CAMTA1: variants seen among roughly 807,000 people sequenced by gnomAD.
CAMTA1 encodes calmodulin-binding transcription activator 1.
CAMTA1 carries 27 observed loss-of-function variants against 170.9 expected under a neutral mutation model. The ratio of observed to expected loss-of-function variants is 0.16; its 90% CI spans 0.12 to 0.22. The LOEUF (loss-of-function observed/expected upper bound fraction) is 0.22. CAMTA1 is among the 10% of genes least tolerant of loss of function. CAMTA1 has a pLI of 1.00. For synonymous variants in CAMTA1, 833 were observed against 891.5 expected, an observed-to-expected ratio of 0.93 and a Z score of 1.17; for missense variants, 1,619 against 2,217.2, an observed-to-expected ratio of 0.73 and a Z score of 5.42.
At chr1:7,068,353 C>G (rs764651106) in intron 3 of CAMTA1, among the ~76,000 whole-genome samples, 4 of 151,888 alleles carry the variant, frequency 2.6e-5, no homozygotes, top group Non-Finnish European at 5.9e-5. Context: ...AGCTTAATAT[C>G]TTGTATGTCG....
chr1:7,598,052 A>G (rs1314089794), intron 6 of CAMTA1, among the ~76,000 whole-genome samples: 2 of 151,716 alleles, frequency 1.3e-5, no homozygotes, highest in African/African-American at 4.9e-5. Flanking sequence ...TTCATTTAAC[A>G]TTAGGTATAT....
chr1:6,850,569 A>G lies in CAMTA1; in HGVS notation c.234+25359A>G, dbSNP rs559948685. Among the ~76,000 whole-genome samples the G allele has an allele frequency of 3.3e-5, 5 of 152,320 alleles. No homozygotes were observed. In the East Asian group the frequency reaches 7.7e-4, roughly 24 times the overall value. On this transcript the variant is annotated intron_variant, in intron 3 of 22. Coordinates refer to ENST00000303635, the MANE Select transcript of CAMTA1 (RefSeq NM_015215.4). ...TATTTCCTGCTGAGAGCAAGTCGAG[A>G]TGATGGACAAAATTTAAAACAAAAT...
At chr1:7,448,338 C>T (rs2092730016) in intron 5 of CAMTA1, among the ~76,000 whole-genome samples, 1 of 152,174 alleles carries the variant, frequency 6.6e-6, no homozygotes, top group Non-Finnish European at 1.5e-5. Flanking sequence ...CTGACGTTTC[C>T]TTGGGTCTGG....
At chr1:6,974,448 T>C (rs1336070756) in intron 3 of CAMTA1, among the ~76,000 whole-genome samples, 1 of 152,224 alleles carries the variant, frequency 6.6e-6, no homozygotes, top group Non-Finnish European at 1.5e-5. Context: ...CATGGTGGCC[T>C]GCAACTGTAG....
chr1:7,498,681 G>T (rs1231323668), intron 6 of CAMTA1, among the ~76,000 whole-genome samples: 2 of 134,550 alleles, frequency 1.5e-5, no homozygotes, highest in Admixed American at 1.5e-4. Context: ...TTGAGTGCAT[G>T]CATATGTATG....
At chr1:7,650,587 G>T (rs1372015283) in intron 7 of CAMTA1, among the ~76,000 whole-genome samples, 1 of 152,212 alleles carries the variant, frequency 6.6e-6, no homozygotes, top group Admixed American at 6.5e-5. Context: ...CCCTGGCAGA[G>T]GGAGGACTGT....
At chr1:7,376,617 C>T (rs769541985) in intron 5 of CAMTA1, among the ~76,000 whole-genome samples, 3 of 152,238 alleles carry the variant, frequency 2.0e-5, no homozygotes, top group South Asian at 2.1e-4. Flanking sequence ...TGGATGATAC[C>T]GCCCTCCTAA....
chr1:7,378,622 T>G (rs2087030362), intron 5 of CAMTA1, among the ~76,000 whole-genome samples: 1 of 152,048 alleles, frequency 6.6e-6, no homozygotes, highest in African/African-American at 2.4e-5. Context: ...AGGGGCTGCT[T>G]CAGGAGAATG....
intron 3 of CAMTA1, among the ~76,000 whole-genome samples, chr1:6,835,878 T>G (rs1652861789): frequency 6.6e-6 from 1 of 152,220 alleles, no homozygotes; most frequent in Non-Finnish European, 1.5e-5. Context: ...GGAAGCTCTT[T>G]TAAAGTTTGG....
At chr1:7,284,186 A>C (rs55825665) in intron 5 of CAMTA1, among the ~76,000 whole-genome samples, 22,467 of 102,560 alleles carry the variant, frequency 0.22, 2,007 homozygotes, top group East Asian at 0.32. Context: ...TCTTATTATT[A>C]TTATTATTAT....
At chr1:6,991,641 T>C (rs1453919120) in intron 3 of CAMTA1, among the ~76,000 whole-genome samples, 1 of 152,228 alleles carries the variant, frequency 6.6e-6, no homozygotes, top group Admixed American at 6.5e-5. Context: ...GTTTCACAAA[T>C]ATTTTCTCTT....
chr1:6,858,743 A>G (rs766786052), intron 3 of CAMTA1, among the ~76,000 whole-genome samples: 36 of 152,002 alleles, frequency 2.4e-4, no homozygotes, highest in Non-Finnish European at 5.1e-4. Context: ...ATTGTCCTCT[A>G]TTTGCTGAGT....
At chr1:7,367,450 G>T (rs1235077839) in intron 5 of CAMTA1, among the ~76,000 whole-genome samples, 4 of 152,244 alleles carry the variant, frequency 2.6e-5, no homozygotes, top group Non-Finnish European at 4.4e-5. Flanking sequence ...GTTGCACATT[G>T]CATGGGTGAG....
chr1:7,385,511 G>A (rs546557463), intron 5 of CAMTA1, among the ~76,000 whole-genome samples: 4 of 152,260 alleles, frequency 2.6e-5, no homozygotes, highest in East Asian at 1.9e-4. Context: ...CTGGGCTCGC[G>A]GGCCAGTGTT....
intron 6 of CAMTA1, among the ~76,000 whole-genome samples, chr1:7,504,054 GC>G (rs1449292526): frequency 1.3e-5 from 2 of 152,184 alleles, no homozygotes; most frequent in African/African-American, 4.8e-5. Flanking sequence ...GGCAGCCTCA[GC>G]CGAGACTGGC....
intron 4 of CAMTA1, among the ~76,000 whole-genome samples, chr1:7,172,429 C>T (rs538720546): frequency 6.6e-6 from 1 of 152,338 alleles, no homozygotes; most frequent in South Asian, 2.1e-4. Flanking sequence ...GGATTACAGG[C>T]ATGAGCCACT....
intron 4 of CAMTA1, among the ~76,000 whole-genome samples, chr1:7,213,757 C>T (rs953518541): frequency 6.6e-6 from 1 of 152,066 alleles, no homozygotes; most frequent in Non-Finnish European, 1.5e-5. Context: ...ATCCCTCCCC[C>T]CTCCGCCCAC....
At chr1:7,486,230 A>G (rs993644331) in intron 6 of CAMTA1, among the ~76,000 whole-genome samples, 7 of 152,240 alleles carry the variant, frequency 4.6e-5, no homozygotes, top group Non-Finnish European at 8.8e-5. Context: ...GCTCTCCAGG[A>G]GAAAGAAAAA....
At chr1:7,005,216 A>C (rs2100690064) in intron 3 of CAMTA1, among the ~76,000 whole-genome samples, 1 of 152,282 alleles carries the variant, frequency 6.6e-6, no homozygotes, top group Non-Finnish European at 1.5e-5. Context: ...ATTCTTAGCC[A>C]CCCACCTTGG....
Sources: allele counts gnomAD v4.1 joint callset (sites outside exome capture counted in the v4.1 genomes callset), GRCh38; gene constraint gnomAD v4.1.1; transcripts MANE v1.5; gene names NCBI Gene and HGNC (gene_info 2026-07-23, HGNC 2026-07-21).